Variants in KIF14 observed in about 807,000 individuals in gnomAD.
KIF14 encodes kinesin-like protein KIF14.
Under a neutral mutation model 176.2 loss-of-function variants are expected in KIF14, and 98 were observed. The observed-to-expected ratio is 0.56, with a 90% CI of 0.47 to 0.66. The LOEUF (loss-of-function observed/expected upper bound fraction) is 0.66. Among genes scored for constraint, KIF14 ranks in the 30% least tolerant of loss-of-function variants. The pLI is 0.00. For missense variants in KIF14, 1,751 were observed against 1,920.4 expected (o/e 0.91, Z 1.65); for synonymous variants, 566 against 632.2 (o/e 0.90, Z 1.57).
chr1:200,555,375 C>T lies in KIF14; in HGVS notation c.4428+5G>A, dbSNP rs570348470. ...AAATTAAAATCAATTTAAAGCTTCT[C>T]TTACAATTTTCGATTCAGCAAAGAT... On this transcript the variant is annotated splice_donor_5th_base_variant and intron_variant, in intron 28 of 29. Transcript: ENST00000367350. 17 of 1,532,824 alleles carry T rather than the reference C, an allele frequency of 1.1e-5. No individual in the cohort carries two copies. In the South Asian group the frequency reaches 1.3e-4, roughly 12 times the overall value. 95.0% of individuals were successfully genotyped at this position (1,532,824 alleles called of 1,614,324 possible). A position where few individuals can be genotyped will look rare whatever the true frequency, so the allele number is the denominator to read the frequency against.
intron 11 of KIF14, among the ~76,000 whole-genome samples, chr1:200,601,484 A>G (rs1429894298): frequency 2.0e-5 from 3 of 152,234 alleles, no homozygotes; most frequent in Admixed American, 2.0e-4. Context: ...AGTTCAGCCT[A>G]TACTAGAAAC....
intron 15 of KIF14, 141 bp from the exon 16 acceptor site, chr1:200,592,381 T>G: frequency 1.5e-6 from 1 of 657,246 alleles, no homozygotes; most frequent in East Asian, 3.0e-5. Context: ...ATTTATTACT[T>G]TTTTTTTCTT....
intron 16 of KIF14, among the ~76,000 whole-genome samples, chr1:200,591,734 C>A (rs1305102782): frequency 1.3e-5 from 2 of 152,132 alleles, no homozygotes; most frequent in Non-Finnish European, 1.5e-5. Flanking sequence ...CCGGTCAGGG[C>A]CAGGTGTCAC....
chr1:200,568,126 C>A (rs1290439550), intron 23 of KIF14, among the ~76,000 whole-genome samples: 1 of 152,164 alleles, frequency 6.6e-6, no homozygotes, highest in Non-Finnish European at 1.5e-5. Context: ...CAGCCCCTCA[C>A]CCCCAGGCCT....
At position 200,565,433 on chromosome 1, in the gene KIF14, G is replaced by A. The variant is rs1657393302; in HGVS notation, c.3886+12C>T. On this transcript the variant is annotated intron_variant, in intron 24 of 29. Coordinates refer to ENST00000367350, the MANE Select transcript of KIF14 (RefSeq NM_014875.3). ...ATTTATGTGAGTTAACAAAAGCAGT[G>A]AGATTGCTTACAGTTATCTTGACTT... 1 of 1,553,674 alleles carries A rather than the reference G, an allele frequency of 6.4e-7. No individual in the cohort carries two copies. The highest frequency in any genetic ancestry group is 1.4e-5 in the African/African-American group (1 of 72,528).
chr1:200,575,593 CCTT>C lies in KIF14; in HGVS notation c.3561_3563del (p.Arg1189del). On this transcript the variant is annotated inframe_deletion, in exon 22 of 30. Transcript: ENST00000367350. The stretch of plus-strand genomic sequence containing the variant: ...ACTAGTAACAAAATTGTCTTTACCT[CCTT>C]CTAGAAAGTGAAGAAACTGGTGCAT... 2 of 1,573,144 alleles carry C rather than the reference CCTT, an allele frequency of 1.3e-6. No individual in the cohort carries two copies. The highest frequency in any genetic ancestry group is 1.8e-5 in the Admixed American group (1 of 56,642).
chr1:200,573,102 A>G (rs1393453253), intron 22 of KIF14, among the ~76,000 whole-genome samples: 1 of 152,154 alleles, frequency 6.6e-6, no homozygotes, highest in Non-Finnish European at 1.5e-5. Context: ...ACTATCTCTA[A>G]TCCTCGTAAC....
intron 25 of KIF14, among the ~76,000 whole-genome samples, chr1:200,564,678 T>C (rs1657346382): frequency 6.6e-6 from 1 of 152,212 alleles, no homozygotes; most frequent in Admixed American, 6.5e-5. Flanking sequence ...CATGGTATAA[T>C]GGCAGAGCAT....
intron 16 of KIF14, 92 bp from the exon 17 acceptor site, chr1:200,590,364 A>C (rs1658992187): frequency 8.9e-7 from 1 of 1,127,240 alleles, no homozygotes; most frequent in Admixed American, 2.6e-5. Flanking sequence ...TTTCCATTGA[A>C]TGAAAGTTTC....
intron 2 of KIF14, among the ~76,000 whole-genome samples, chr1:200,616,429 T>C (rs1275018506): frequency 2.0e-5 from 3 of 152,220 alleles, no homozygotes; most frequent in Non-Finnish European, 4.4e-5. Flanking sequence ...CTTTCTATTG[T>C]TTCTCTTCCT....
rs116169838 is a variant in KIF14 at position 200,598,954 on chromosome 1, C to T, written c.2365-533G>A. ...CTTCACCATCCTCAGTCTACTCATA[C>T]ATCAATCTATCATCACCAAATTGTG... is the stretch of plus-strand genomic sequence containing the variant. On this transcript the variant is annotated intron_variant, in intron 13 of 29. Coordinates refer to ENST00000367350, the MANE Select transcript of KIF14 (RefSeq NM_014875.3). 4.7e-3 allele frequency among the ~76,000 whole-genome samples: 715 copies of T among 152,294 alleles called. 4 individuals are homozygous for T. The highest frequency in any genetic ancestry group is 0.016 in the African/African-American group (680 of 41,552).
intron 13 of KIF14, among the ~76,000 whole-genome samples, chr1:200,599,311 A>T (rs1659514989): frequency 6.6e-6 from 1 of 152,176 alleles, no homozygotes; most frequent in Non-Finnish European, 1.5e-5. Flanking sequence ...TCTCATATAA[A>T]CTGCTTCCAG....
chr1:200,578,123 A>C (rs1347819079), intron 21 of KIF14, among the ~76,000 whole-genome samples: 1 of 152,120 alleles, frequency 6.6e-6, no homozygotes, highest in Non-Finnish European at 1.5e-5. Flanking sequence ...TACTTTTTAA[A>C]TGTTCTCTTT....
chr1:200,619,047 T>A (rs1370221258), intron 1 of KIF14, among the ~76,000 whole-genome samples: 1 of 152,244 alleles, frequency 6.6e-6, no homozygotes, highest in East Asian at 1.9e-4. Flanking sequence ...TAAGTTTCCA[T>A]TAGTGCCAGG....
At chr1:200,590,744 G>A (rs189003692) in intron 16 of KIF14, among the ~76,000 whole-genome samples, 5 of 152,292 alleles carry the variant, frequency 3.3e-5, no homozygotes, top group Admixed American at 3.3e-4. Context: ...AAGGCACTAG[G>A]GTGGGCACAG....
intron 23 of KIF14, among the ~76,000 whole-genome samples, chr1:200,569,139 G>A (rs1053563938): frequency 2.0e-5 from 3 of 151,828 alleles, no homozygotes; most frequent in Non-Finnish European, 4.4e-5. Flanking sequence ...TGTTCAGGCT[G>A]GTCTTGAACT....
At chr1:200,572,356 T>C (rs1406676303) in intron 22 of KIF14, among the ~76,000 whole-genome samples, 1 of 152,228 alleles carries the variant, frequency 6.6e-6, no homozygotes, top group African/African-American at 2.4e-5. Context: ...AAAGTCTTTT[T>C]TTTTAAGAGA....
chr1:200,576,510 T>C (rs1357889261), intron 21 of KIF14, among the ~76,000 whole-genome samples: 1 of 151,140 alleles, frequency 6.6e-6, no homozygotes, highest in Non-Finnish European at 1.5e-5. Flanking sequence ...GGAGGTAAGT[T>C]AAACCTAGGG....
intron 10 of KIF14, among the ~76,000 whole-genome samples, chr1:200,602,289 G>C (rs1659665565): frequency 6.6e-6 from 1 of 152,164 alleles, no homozygotes; most frequent in Non-Finnish European, 1.5e-5. Context: ...AATAATCTGT[G>C]CAGAGATTCT....
Sources: gnomAD v4.1 joint callset for allele counts (sites outside exome capture counted in the v4.1 genomes callset) on GRCh38, gnomAD v4.1.1 for gene constraint, MANE v1.5 for transcripts, NCBI Gene and HGNC (gene_info 2026-07-23, HGNC 2026-07-21) for gene names.